Variants in XPR1 observed in about 807,000 individuals in gnomAD.
XPR1 encodes the protein xenotropic and polytropic retrovirus receptor 1.
In XPR1, 28 loss-of-function variants were observed where a neutral mutation model predicts 87.5. The ratio of observed to expected loss-of-function variants is 0.32; its 90% CI spans 0.24 to 0.44. The LOEUF (loss-of-function observed/expected upper bound fraction) is 0.44, where lower values mean the gene tolerates loss of function less well. Ranked by LOEUF, XPR1 falls within the 20% of genes least tolerant of loss-of-function variation. XPR1 has a pLI of 1.00. For synonymous variants in XPR1, 300 were observed against 306.1 expected, an observed-to-expected ratio of 0.98 and a Z score of 0.21; for missense variants, 559 against 862.3, an observed-to-expected ratio of 0.65 and a Z score of 4.41.
At chr1:180,875,625 T>C (rs1205919979) in intron 13 of XPR1, among the ~76,000 whole-genome samples, 2 of 151,918 alleles carry the variant, frequency 1.3e-5, no homozygotes, top group Non-Finnish European at 2.9e-5. Flanking sequence ...TAACTTTACA[T>C]GTATATATCA....
rs76814137 is a variant in XPR1 at position 180,851,398 on chromosome 1, C to T, written c.1502-12310C>T. On this transcript the variant is annotated intron_variant, in intron 11 of 14. Transcript: ENST00000367590. The stretch of plus-strand genomic sequence containing the variant: ...GGTAAGATGGAATCTGTTGGACCTC[C>T]GTCAGACAGAATTTATTTGTGTGCC... Among the ~76,000 whole-genome samples, 261 of 152,130 alleles carry T rather than the reference C, an allele frequency of 1.7e-3. 1 individual carries two copies. The highest frequency in any genetic ancestry group is 5.8e-3 in the African/African-American group (240 of 41,510).
intron 2 of XPR1, among the ~76,000 whole-genome samples, chr1:180,756,510 G>A (rs187940001): frequency 4.6e-5 from 7 of 152,186 alleles, no homozygotes; most frequent in Admixed American, 3.9e-4. Context: ...CATTATAAGA[G>A]TTCCTTATAA....
chr1:180,776,041 C>T (rs11585295), intron 2 of XPR1, among the ~76,000 whole-genome samples: 52,646 of 151,928 alleles, frequency 0.35, 9,544 homozygotes, highest in Non-Finnish European at 0.39. Flanking sequence ...ATTTTGGATC[C>T]CAAACAAAGG....
chr1:180,710,838 ACCTC>A lies in XPR1; in HGVS notation c.121+28434_121+28437del, dbSNP rs1313563721. ...GCTGGCTGGGCGGGGGCTGCCCCCC[ACCTC>A]CCTCCCGAACGGGGCAGCTGGCCGG... On this transcript the variant is annotated intron_variant, in intron 2 of 14. Transcript: ENST00000367590. Among the ~76,000 whole-genome samples, 3 of 146,158 alleles carry A rather than the reference ACCTC, an allele frequency of 2.1e-5. No homozygotes were observed. The East Asian group carries it at 6.3e-4, about 31-fold the overall frequency.
intron 2 of XPR1, among the ~76,000 whole-genome samples, chr1:180,772,930 C>T (rs778472045): frequency 6.6e-6 from 1 of 152,162 alleles, no homozygotes; most frequent in Non-Finnish European, 1.5e-5. Flanking sequence ...TATATATTAA[C>T]AACCATGAGT....
chr1:180,710,719 C>T (rs1388773359), intron 2 of XPR1, among the ~76,000 whole-genome samples: 3 of 152,280 alleles, frequency 2.0e-5, no homozygotes, highest in Non-Finnish European at 2.9e-5. Context: ...GTTGGGTACA[C>T]CTCCCAGATG....
At chr1:180,874,403 A>C (rs1652595646) in intron 13 of XPR1, among the ~76,000 whole-genome samples, 1 of 151,806 alleles carries the variant, frequency 6.6e-6, no homozygotes, top group South Asian at 2.1e-4. Context: ...AATGTGTTTA[A>C]ATCTGGCCAG....
chr1:180,760,264 G>A (rs981426980), intron 2 of XPR1, among the ~76,000 whole-genome samples: 4 of 152,084 alleles, frequency 2.6e-5, no homozygotes, highest in African/African-American at 9.7e-5. Flanking sequence ...TTCTGGCCAG[G>A]GCAAACAGGC....
At chr1:180,632,747 C>T (rs79658346) in intron 1 of XPR1, among the ~76,000 whole-genome samples, 268 of 152,374 alleles carry the variant, frequency 1.8e-3, no homozygotes, top group Admixed American at 3.0e-3. Context: ...CAAGAGAAGC[C>T]CCTCCAGTGA....
At chr1:180,690,693 T>C (rs1163317513) in intron 2 of XPR1, among the ~76,000 whole-genome samples, 1 of 151,664 alleles carries the variant, frequency 6.6e-6, no homozygotes, top group Admixed American at 6.6e-5. Context: ...GATATCTTGT[T>C]TTAAAAATTG....
At chr1:180,724,314 G>A (rs912880023) in intron 2 of XPR1, among the ~76,000 whole-genome samples, 2 of 152,076 alleles carry the variant, frequency 1.3e-5, no homozygotes, top group Non-Finnish European at 2.9e-5. Context: ...GCCTTGGGCC[G>A]ATGCTATTTA....
chr1:180,824,084 G>T (rs1650736092), intron 7 of XPR1, among the ~76,000 whole-genome samples: 1 of 152,162 alleles, frequency 6.6e-6, no homozygotes, highest in African/African-American at 2.4e-5. Flanking sequence ...CCAAAGAGAG[G>T]TTTTGTCATG....
At chr1:180,787,286 G>T (rs1036718219) in intron 2 of XPR1, among the ~76,000 whole-genome samples, 33 of 146,440 alleles carry the variant, frequency 2.3e-4, no homozygotes, top group Middle Eastern at 7.0e-3. Context: ...GGTTTTTTTT[G>T]TTTTTTTTTT....
At position 180,811,218 on chromosome 1, in the gene XPR1, A is replaced by G. The variant is rs573797794; in HGVS notation, c.682-189A>G. 2.0e-5 allele frequency among the ~76,000 whole-genome samples: 3 copies of G among 152,296 alleles called. No homozygotes were observed. The East Asian group carries it at 5.8e-4, about 29-fold the overall frequency. Reference sequence around the variant, plus strand: ...GATTTCTATAAAAAAAAGCTTGATTAATTGGCAACTTGAATAGTATTATAG... The same window carrying G: ...GATTTCTATAAAAAAAAGCTTGATTGATTGGCAACTTGAATAGTATTATAG... On this transcript the variant is annotated intron_variant, in intron 6 of 14. Transcript: ENST00000367590.
chr1:180,689,115 A>G (rs1656894906), intron 2 of XPR1, among the ~76,000 whole-genome samples: 1 of 152,158 alleles, frequency 6.6e-6, no homozygotes, highest in African/African-American at 2.4e-5. Context: ...GAACTAAGAA[A>G]TTGACATTTC....
intron 11 of XPR1, among the ~76,000 whole-genome samples, chr1:180,861,994 AAG>A (rs1491520357): frequency 6.6e-6 from 1 of 152,116 alleles, no homozygotes; most frequent in Non-Finnish European, 1.5e-5. Context: ...TAAAATTAAA[AAG>A]TAATGAATTT....
chr1:180,684,821 T>C (rs1656708866), intron 2 of XPR1, among the ~76,000 whole-genome samples: 1 of 152,220 alleles, frequency 6.6e-6, no homozygotes, highest in Admixed American at 6.5e-5. Context: ...ATGCTTGTGA[T>C]TTTTGTACAT....
chr1:180,675,539 T>C (rs1391973236), intron 1 of XPR1, among the ~76,000 whole-genome samples: 1 of 152,182 alleles, frequency 6.6e-6, no homozygotes, highest in African/African-American at 2.4e-5. Flanking sequence ...CCTTTCACAA[T>C]TATAACAGAA....
intron 2 of XPR1, among the ~76,000 whole-genome samples, chr1:180,787,039 T>C (rs1055277339): frequency 6.6e-6 from 1 of 152,190 alleles, no homozygotes; most frequent in African/African-American, 2.4e-5. Flanking sequence ...CATTCATGTC[T>C]TCATACCTTT....
Sources: gnomAD v4.1 joint callset for allele counts (sites outside exome capture counted in the v4.1 genomes callset) on GRCh38, gnomAD v4.1.1 for gene constraint, MANE v1.5 for transcripts, NCBI Gene and HGNC (gene_info 2026-07-23, HGNC 2026-07-21) for gene names.